The following TAF3 variants were observed in gnomAD, a reference collection of about 807,000 sequenced individuals.
TAF3 encodes the protein transcription initiation factor TFIID subunit 3.
A neutral mutation model predicts 80.6 loss-of-function variants in TAF3; 7 were observed. That is an observed-to-expected ratio of 0.09 (90% CI 0.05 to 0.16). TAF3 has a LOEUF of 0.16. TAF3 is among the 10% of genes least tolerant of loss of function. The pLI is 1.00. For synonymous variants in TAF3, 444 were observed against 446.1 expected, an observed-to-expected ratio of 1.00 and a Z score of 0.06; for missense variants, 921 against 1,140.2, an observed-to-expected ratio of 0.81 and a Z score of 2.77.
chr10:7,836,159 G>C (rs1222532462), intron 2 of TAF3, among the ~76,000 whole-genome samples: 2 of 152,076 alleles, frequency 1.3e-5, no homozygotes, highest in East Asian at 3.8e-4. Flanking sequence ...CTTAGTTTCA[G>C]AGTTGACTTT....
chr10:7,943,988 G>A (rs1159568842), intron 2 of TAF3, among the ~76,000 whole-genome samples: 1 of 152,030 alleles, frequency 6.6e-6, no homozygotes, highest in East Asian at 1.9e-4. Context: ...GGGTTTTCTT[G>A]TTCTTTCTGC....
Position 8,014,968 on chromosome 10 carries a change from C to T in TAF3, c.*217C>T. The T allele has an allele frequency of 4.7e-6, 2 of 428,382 alleles. No individual in the cohort carries two copies. The highest frequency in any genetic ancestry group is 8.5e-6 in the Non-Finnish European group (2 of 234,808). 26.5% of individuals were successfully genotyped at this position (428,382 alleles called of 1,614,324 possible). A position where few individuals can be genotyped will look rare whatever the true frequency, so the allele number is the denominator to read the frequency against. On this transcript the variant is annotated 3_prime_UTR_variant, in exon 7 of 7. Transcript: ENST00000344293. ...CGTGGCAGTGCGACAGAAGGAAACT[C>T]AAGCAGAGGCGTGGCCTGGGGGCTG... is the stretch of plus-strand genomic sequence containing the variant.
chr10:7,971,676 T>G (rs956637122), intron 3 of TAF3, among the ~76,000 whole-genome samples: 1 of 152,206 alleles, frequency 6.6e-6, no homozygotes, highest in African/African-American at 2.4e-5. Flanking sequence ...TTGCTTCAAG[T>G]CAGGATTTTA....
intron 4 of TAF3, among the ~76,000 whole-genome samples, chr10:7,994,226 T>TA (rs200318655): frequency 2.0e-4 from 30 of 151,574 alleles, no homozygotes; most frequent in East Asian, 7.7e-4. Flanking sequence ...TACTTTCTGG[T>TA]AAAAAAAAAT....
At chr10:7,884,208 A>G (rs776015292) in intron 2 of TAF3, among the ~76,000 whole-genome samples, 3 of 151,976 alleles carry the variant, frequency 2.0e-5, no homozygotes, top group Non-Finnish European at 4.4e-5. Flanking sequence ...TATTTATTTC[A>G]CTGCTTCAGC....
At chr10:7,843,912 G>T (rs551967346) in intron 2 of TAF3, among the ~76,000 whole-genome samples, 1 of 151,854 alleles carries the variant, frequency 6.6e-6, no homozygotes, top group East Asian at 1.9e-4. Context: ...ATAAGAAAAC[G>T]GACTGTTTTA....
intron 2 of TAF3, among the ~76,000 whole-genome samples, chr10:7,874,671 G>T (rs1588534451): frequency 1.3e-5 from 2 of 150,290 alleles, no homozygotes. Context: ...TAAAAATATG[G>T]ACTCTAACAG....
chr10:7,997,995 T>TTA (rs1221403775), intron 4 of TAF3, among the ~76,000 whole-genome samples: 9 of 152,056 alleles, frequency 5.9e-5, no homozygotes, highest in African/African-American at 2.2e-4. Context: ...TTGTTTAAAA[T>TTA]TAAAAGGATT....
intron 2 of TAF3, among the ~76,000 whole-genome samples, chr10:7,940,709 C>A (rs1270999951): frequency 6.6e-6 from 1 of 152,150 alleles, no homozygotes; most frequent in African/African-American, 2.4e-5. Flanking sequence ...AATCCTAGCA[C>A]TTTGGGAGGC....
At chr10:7,920,252 G>C (rs984025928) in intron 2 of TAF3, among the ~76,000 whole-genome samples, 1 of 151,128 alleles carries the variant, frequency 6.6e-6, no homozygotes, top group African/African-American at 2.4e-5. Context: ...TATTTCTTGA[G>C]TAAATAAATA....
intron 2 of TAF3, among the ~76,000 whole-genome samples, chr10:7,958,790 T>A (rs1294543178): frequency 6.6e-6 from 1 of 152,220 alleles, no homozygotes; most frequent in African/African-American, 2.4e-5. Flanking sequence ...TCATTTCTAA[T>A]TTTAAAAATT....
intron 2 of TAF3, among the ~76,000 whole-genome samples, chr10:7,884,391 C>CTTTT (rs1257267688): frequency 1.7e-4 from 10 of 58,478 alleles, no homozygotes; most frequent in Non-Finnish European, 2.9e-4. Flanking sequence ...AGCTCTGCCT[C>CTTTT]CTTTTTTTTT....
At chr10:7,998,042 C>T (rs563938652) in intron 4 of TAF3, among the ~76,000 whole-genome samples, 1 of 151,726 alleles carries the variant, frequency 6.6e-6, no homozygotes, top group East Asian at 1.9e-4. Flanking sequence ...CAAAAATAAC[C>T]TTAGCTTAAG....
At chr10:7,864,039 C>T (rs1837184440) in intron 2 of TAF3, among the ~76,000 whole-genome samples, 1 of 152,080 alleles carries the variant, frequency 6.6e-6, no homozygotes, top group African/African-American at 2.4e-5. Context: ...TGTCAGTATC[C>T]TAAGCCAGTG....
chr10:7,942,221 A>G (rs571130289), intron 2 of TAF3, among the ~76,000 whole-genome samples: 1 of 152,352 alleles, frequency 6.6e-6, no homozygotes, highest in Non-Finnish European at 1.5e-5. Flanking sequence ...GACGATGCAT[A>G]AATTGCGTTT....
chr10:8,002,539 C>A lies in TAF3; in HGVS notation c.2316-6539C>A, dbSNP rs1831954248. On this transcript the variant is annotated intron_variant, in intron 4 of 6. Transcript: ENST00000344293. ...AAAGGCTTTTTGTTCCTTTGAGGAA[C>A]TACTGATAGAGCAGGGGTAACAAAT... Among the ~76,000 whole-genome samples the A allele has an allele frequency of 3.3e-5, 5 of 152,280 alleles. No homozygotes were observed. In the South Asian group the frequency reaches 1.0e-3, roughly 32 times the overall value.
At chr10:7,819,995 T>C (rs1179229156) in intron 1 of TAF3, among the ~76,000 whole-genome samples, 2 of 152,204 alleles carry the variant, frequency 1.3e-5, no homozygotes, top group African/African-American at 4.8e-5. Flanking sequence ...TCGAAACTCT[T>C]AGCAGTACAC....
In TAF3 at chr10:7,825,842, G is replaced by GT. The variant is rs35181779; in HGVS notation, c.409+1291dup. Among the ~76,000 whole-genome samples, 819 of 150,782 alleles carry GT rather than the reference G, an allele frequency of 5.4e-3. 7 individuals carry two copies. Among genetic ancestry groups the GT allele is most frequent in the South Asian group, 0.024 (114 of 4,752 alleles). ...TCTGTTCAAATTCTTGCTTTCAGGTGTTTTTTTTTGGGTCTGTACCTTGAA... is the reference window on the plus strand; with the variant it reads ...TCTGTTCAAATTCTTGCTTTCAGGTGTTTTTTTTTTGGGTCTGTACCTTGAA... On this transcript the variant is annotated intron_variant, in intron 2 of 6. Coordinates refer to ENST00000344293, the MANE Select transcript of TAF3 (RefSeq NM_031923.4).
chr10:7,818,629 G>A lies in TAF3; in HGVS notation c.-81G>A. Reference sequence around the variant, plus strand: ...CCCCGCCGCGGAAGCCCTAGAGGATGAATCGGGGACCCTGCTAAGGTCTGG... The same window carrying A: ...CCCCGCCGCGGAAGCCCTAGAGGATAAATCGGGGACCCTGCTAAGGTCTGG... On this transcript the variant is annotated 5_prime_UTR_variant, in exon 1 of 7. An upstream start codon of the reference 5' UTR is lost. Coordinates refer to ENST00000344293, the MANE Select transcript of TAF3 (RefSeq NM_031923.4). 3.4e-6 allele frequency: 5 copies of A among 1,475,190 alleles called. No individual in the cohort carries two copies. Among genetic ancestry groups the A allele is most frequent in the Non-Finnish European group, 4.5e-6 (5 of 1,111,294 alleles). 91.4% of individuals were successfully genotyped at this position (1,475,190 alleles called of 1,614,324 possible). A position where few individuals can be genotyped will look rare whatever the true frequency, so the allele number is the denominator to read the frequency against.
Sources: gnomAD v4.1 joint callset for allele counts (sites outside exome capture counted in the v4.1 genomes callset) on GRCh38, gnomAD v4.1.1 for gene constraint, MANE v1.5 for transcripts, NCBI Gene and HGNC (gene_info 2026-07-23, HGNC 2026-07-21) for gene names.